The following BRIP1 variants were observed in gnomAD, a reference collection of about 807,000 sequenced individuals.
BRIP1 encodes the protein BRCA1 interacting DNA helicase 1, also known as Fanconi anemia group J protein.
BRIP1 carries 88 observed loss-of-function variants against 119.7 expected under a neutral mutation model. The observed-to-expected ratio is 0.74, with a 90% CI of 0.62 to 0.88. BRIP1 has a LOEUF of 0.88. Among genes scored for constraint, BRIP1 ranks in the 40% least tolerant of loss-of-function variants. The pLI is 0.00. For missense variants in BRIP1, 1,259 were observed against 1,455.4 expected, an observed-to-expected ratio of 0.87 and a Z score of 2.20; for synonymous variants, 443 against 496.5, an observed-to-expected ratio of 0.89 and a Z score of 1.43.
chr17:61,836,378 A>G (rs1390698853), intron 6 of BRIP1, among the ~76,000 whole-genome samples: 1 of 152,056 alleles, frequency 6.6e-6, no homozygotes, highest in Non-Finnish European at 1.5e-5. Context: ...AGCCTCCCCA[A>G]GTGCTGGGAT....
In BRIP1 at chr17:61,729,168, A is replaced by G. The variant is rs1466402794; in HGVS notation, c.2380-13105T>C. ...GTGGCGCATGCCTGTAATCCCAGCT[A>G]CTCGGGAGGCTGAGGCAGGAGGATC... On this transcript the variant is annotated intron_variant, in intron 16 of 19. Transcript: ENST00000259008. The surrounding 1 kb of genome is among the most constrained non-coding windows in gnomAD (Gnocchi z 5.6). 1.3e-5 allele frequency among the ~76,000 whole-genome samples: 2 copies of G among 151,858 alleles called. No individual in the cohort carries two copies. Among genetic ancestry groups the G allele is most frequent in the African/African-American group, 4.8e-5 (2 of 41,298 alleles).
At position 61,775,972 on chromosome 17, in the gene BRIP1, C is replaced by T. The variant is rs1334090057; in HGVS notation, c.2097+429G>A. The T allele has an allele frequency of 1.4e-5, 3 of 220,528 alleles. No homozygotes were observed. Among genetic ancestry groups the T allele is most frequent in the South Asian group, 7.2e-5 (1 of 13,960 alleles). 13.7% of individuals were successfully genotyped at this position (220,528 alleles called of 1,614,324 possible). A position where few individuals can be genotyped will look rare whatever the true frequency, so the allele number is the denominator to read the frequency against. On this transcript the variant is annotated intron_variant, in intron 14 of 19. Transcript: ENST00000259008. The surrounding 1 kb of genome is among the most constrained non-coding windows in gnomAD (Gnocchi z 4.4). ...AATCATAGCTCACTGTAACCTCAAC[C>T]TCCTGGGCTCAAGCAATCCTCCCAC...
At chr17:61,833,414 A>G (rs1383825446) in intron 6 of BRIP1, among the ~76,000 whole-genome samples, 1 of 152,250 alleles carries the variant, frequency 6.6e-6, no homozygotes, top group East Asian at 1.9e-4. Context: ...TCACTCCTGT[A>G]ATCCCAGCAC....
intron 6 of BRIP1, among the ~76,000 whole-genome samples, chr17:61,839,295 T>C (rs994323681): frequency 6.6e-6 from 1 of 151,974 alleles, no homozygotes; most frequent in African/African-American, 2.4e-5. Flanking sequence ...AACTATACAT[T>C]TTATAATAAT....
Position 61,744,672 on chromosome 17 carries a change from TA to T in BRIP1, c.2098-82del. The T allele has an allele frequency of 1.7e-6, 2 of 1,191,478 alleles. No homozygotes were observed. Among genetic ancestry groups the T allele is most frequent in the Non-Finnish European group, 2.5e-6 (2 of 799,516 alleles). 73.8% of individuals were successfully genotyped at this position (1,191,478 alleles called of 1,614,324 possible). On this transcript the variant is annotated intron_variant, in intron 14 of 19. Coordinates refer to ENST00000259008, the MANE Select transcript of BRIP1 (RefSeq NM_032043.3). The surrounding 1 kb of genome is among the most constrained non-coding windows in gnomAD (Gnocchi z 5.0). ...CTTCATTTGTTTAAGCCAATGTGAC[TA>T]CGGCAAGTATATTAATCTCTCTGTG...
intron 13 of BRIP1, among the ~76,000 whole-genome samples, chr17:61,777,569 G>C (rs1356363457): frequency 6.6e-6 from 1 of 152,108 alleles, no homozygotes; most frequent in South Asian, 2.1e-4. Context: ...CCTCTGCTTG[G>C]GTTCAATTAA....
At position 61,832,920 on chromosome 17, in the gene BRIP1, A is replaced by G. The variant is rs1758018562; in HGVS notation, c.627+14181T>C. Among the ~76,000 whole-genome samples the G allele has an allele frequency of 1.3e-5, 2 of 152,262 alleles. No individual in the cohort carries two copies. The highest frequency in any genetic ancestry group is 2.4e-5 in the African/African-American group (1 of 41,472). On this transcript the variant is annotated intron_variant, in intron 6 of 19. Coordinates refer to ENST00000259008, the MANE Select transcript of BRIP1 (RefSeq NM_032043.3). This position sits in a 1 kb window ranked among gnomAD's most constrained non-coding sequence, Gnocchi z 5.5. ...CTAAAGTATTTCAGGGTGAGGGAAC[A>G]TCAGGGCAACAACATACTCTTAAAT...
rs1056725582 is a variant in BRIP1 at position 61,831,024 on chromosome 17, A to G, written c.627+16077T>C. Among the ~76,000 whole-genome samples, 1 of 152,362 alleles carries G rather than the reference A, an allele frequency of 6.6e-6. No homozygotes were observed. Among genetic ancestry groups the G allele is most frequent in the African/African-American group, 2.4e-5 (1 of 41,594 alleles). On this transcript the variant is annotated intron_variant, in intron 6 of 19. Transcript: ENST00000259008. This position sits in a 1 kb window ranked among gnomAD's most constrained non-coding sequence, Gnocchi z 4.1. ...CAACAGGATATAGGAGAAAAAACATATAATCCTACCAAGGAATGCAGTAAA... is the reference window on the plus strand; with the variant it reads ...CAACAGGATATAGGAGAAAAAACATGTAATCCTACCAAGGAATGCAGTAAA...
chr17:61,769,953 C>G lies in BRIP1; in HGVS notation c.2097+6448G>C, dbSNP rs1260276668. 6.6e-6 allele frequency among the ~76,000 whole-genome samples: 1 copy of G among 152,198 alleles called. No individual in the cohort carries two copies. Among genetic ancestry groups the G allele is most frequent in the African/African-American group, 2.4e-5 (1 of 41,442 alleles). ...TAAGACATTACCTCTAAAAATCCCA[C>G]CAGGTTCCCACAGTAAAGAGCCAAG... is the stretch of plus-strand genomic sequence containing the variant. On this transcript the variant is annotated intron_variant, in intron 14 of 19. Transcript: ENST00000259008. This position sits in a 1 kb window ranked among gnomAD's most constrained non-coding sequence, Gnocchi z 4.9.
rs2145028543 is a variant in BRIP1 at position 61,776,453 on chromosome 17, G to A, written c.2045C>T (p.Ser682Phe). 1 of 1,614,084 alleles carries A rather than the reference G, an allele frequency of 6.2e-7. No homozygotes were observed. The highest frequency in any genetic ancestry group is 8.5e-7 in the Non-Finnish European group (1 of 1,179,996). The part of the protein sequence containing the change: ...FQDEVGALLL[S>F]VCQTVSQGIL... ...TCCTTGGCTCACAGTCTGGCACACA[G>A]ATAACAAAAGTGCTCCCACTTCATC... The change falls in exon 14 of 20, where the codon TCT becomes TTT. Residue 682 changes from serine (S) to phenylalanine (F), a missense_variant. Ser to Phe is a radical substitution (Grantham distance 155, BLOSUM62 -2). This residue lies in a region of BRIP1 where 753 missense variants were observed against 891.8 expected (regional missense o/e 0.84). Transcript: ENST00000259008. The surrounding 1 kb of genome is among the most constrained non-coding windows in gnomAD (Gnocchi z 5.0).
At chr17:61,716,124 A>G in intron 16 of BRIP1, 61 bp from the exon 17 acceptor site, 2 of 1,029,036 alleles carry the variant, frequency 1.9e-6, no homozygotes, top group Admixed American at 2.2e-5. Flanking sequence ...TTTAAACATC[A>G]TATTAACTTC....
intron 17 of BRIP1, among the ~76,000 whole-genome samples, chr17:61,712,005 T>C (rs549497172): frequency 6.6e-6 from 1 of 152,296 alleles, no homozygotes; most frequent in South Asian, 2.1e-4. Context: ...ATAGCTTATG[T>C]ATTTGTATAT....
In BRIP1 at chr17:61,775,702, A is replaced by G. The variant is rs914347328; in HGVS notation, c.2097+699T>C. ...AGATACATGAAGTAAAATGAGGGCA[A>G]CGAAGAAAGTTTGGCTTAGATTAAC... On this transcript the variant is annotated intron_variant, in intron 14 of 19. Transcript: ENST00000259008. The surrounding 1 kb of genome is among the most constrained non-coding windows in gnomAD (Gnocchi z 4.4). Among the ~76,000 whole-genome samples, 4 of 152,236 alleles carry G rather than the reference A, an allele frequency of 2.6e-5. No individual in the cohort carries two copies. Among genetic ancestry groups the G allele is most frequent in the Non-Finnish European group, 5.9e-5 (4 of 68,032 alleles).
rs1425616871 is a variant in BRIP1 at position 61,704,941 on chromosome 17, T to C, written c.2492+11010A>G. On this transcript the variant is annotated intron_variant, in intron 17 of 19. Transcript: ENST00000259008. This position sits in a 1 kb window ranked among gnomAD's most constrained non-coding sequence, Gnocchi z 5.7. ...TCTATTTTTTTCTGTTTTTCAACTT[T>C]TATTTTATTTTAGATTCCAGGAGTA... 6.6e-6 allele frequency among the ~76,000 whole-genome samples: 1 copy of C among 152,188 alleles called. No individual in the cohort carries two copies. Among genetic ancestry groups the C allele is most frequent in the Non-Finnish European group, 1.5e-5 (1 of 68,028 alleles).
Position 61,847,179 on chromosome 17 carries a change from C to G in BRIP1, c.549G>C (p.Leu183Phe), listed in dbSNP as rs1060504335. 3 of 1,613,570 alleles carry G rather than the reference C, an allele frequency of 1.9e-6. No individual in the cohort carries two copies. The South Asian group carries it at 3.3e-5, about 18-fold the overall frequency. The change falls in exon 6 of 20, where the codon TTG becomes TTC. Residue 183 changes from leucine to phenylalanine, a missense_variant. Physicochemically the swap from Leu to Phe is conservative, Grantham distance 22. Coordinates refer to ENST00000259008, the MANE Select transcript of BRIP1 (RefSeq NM_032043.3). ...RHCFGTEVHN[L>F]DAKVDSGKTV... ...TCTTTCCTGAATCAACTTTTGCATC[C>G]AAATTGTGTACTTCTGTTCCAAAGC... is the stretch of plus-strand genomic sequence containing the variant.
chr17:61,738,393 T>G lies in BRIP1; in HGVS notation c.2379+4620A>C, dbSNP rs569611746. On this transcript the variant is annotated intron_variant, in intron 16 of 19. Coordinates refer to ENST00000259008, the MANE Select transcript of BRIP1 (RefSeq NM_032043.3). This position sits in a 1 kb window ranked among gnomAD's most constrained non-coding sequence, Gnocchi z 4.2. ...GTCCCTGCAGCTTGAACTATTCTTG[T>G]GTCCACTCTACTTGTACCTTTTGGG... 1.5e-4 allele frequency among the ~76,000 whole-genome samples: 23 copies of G among 152,324 alleles called. No individual in the cohort carries two copies. In the South Asian group the frequency reaches 4.6e-3, roughly 30 times the overall value.
intron 10 of BRIP1, among the ~76,000 whole-genome samples, chr17:61,788,603 A>G (rs1016739219): frequency 6.6e-6 from 1 of 152,164 alleles, no homozygotes; most frequent in Non-Finnish European, 1.5e-5. Context: ...AAATGTGACA[A>G]ATTAGAGAAA....
At position 61,856,486 on chromosome 17, in the gene BRIP1, C is replaced by T. The variant is rs1170813038; in HGVS notation, c.379+572G>A. On this transcript the variant is annotated intron_variant, in intron 4 of 19. Coordinates refer to ENST00000259008, the MANE Select transcript of BRIP1 (RefSeq NM_032043.3). This position sits in a 1 kb window ranked among gnomAD's most constrained non-coding sequence, Gnocchi z 5.1. ...AAAGAGCAAAGTGTCCAGGATGTTC[C>T]CTAGGTTTCTTAGGTAAATAATAGT... is the stretch of plus-strand genomic sequence containing the variant. Among the ~76,000 whole-genome samples, 1 of 151,970 alleles carries T rather than the reference C, an allele frequency of 6.6e-6. No homozygotes were observed. Among genetic ancestry groups the T allele is most frequent in the Non-Finnish European group, 1.5e-5 (1 of 67,966 alleles).
chr17:61,765,354 A>G (rs1003394342), intron 14 of BRIP1, among the ~76,000 whole-genome samples: 4 of 41,574 alleles, frequency 9.6e-5, no homozygotes, highest in Admixed American at 3.2e-4. Context: ...ATACATATGT[A>G]TGTGTGTGTG....
Sources: gnomAD v4.1 joint callset for allele counts (sites outside exome capture counted in the v4.1 genomes callset) on GRCh38, gnomAD v4.1.1 for gene constraint, gnomAD v4.1.1 regional missense constraint, Gnocchi (gnomAD v3.1) non-coding constraint, MANE v1.5 for transcripts, NCBI Gene and HGNC (gene_info 2026-07-23, HGNC 2026-07-21) for gene names.